The following PRKAR1A variants were observed in gnomAD, a reference collection of about 807,000 sequenced individuals.
PRKAR1A encodes protein kinase cAMP-dependent type I regulatory subunit alpha.
A neutral mutation model predicts 52.0 loss-of-function variants in PRKAR1A; 3 were observed. The ratio of observed to expected loss-of-function variants is 0.06; its 90% confidence interval spans 0.03 to 0.15. The LOEUF (loss-of-function observed/expected upper bound fraction) is 0.15, where lower values mean the gene tolerates loss of function less well. Ranked by LOEUF, PRKAR1A falls within the 10% of genes least tolerant of loss-of-function variation. The pLI is 1.00. For missense variants in PRKAR1A, 240 were observed against 477.4 expected, an observed-to-expected ratio of 0.50 and a Z score of 4.63; for synonymous variants, 188 against 168.4, an observed-to-expected ratio of 1.12 and a Z score of -0.90.
the PRKAR1A span, among the ~76,000 whole-genome samples, chr17:68,476,279 T>C: frequency 6.6e-6 from 1 of 152,362 alleles, no homozygotes; most frequent in South Asian, 2.1e-4. Flanking sequence ...AAACTCTCAC[T>C]ATGGCTAGAA....
the PRKAR1A span, among the ~76,000 whole-genome samples, chr17:68,439,388 AT>A: frequency 6.6e-6 from 1 of 152,196 alleles, no homozygotes; most frequent in East Asian, 1.9e-4. Flanking sequence ...AGGAACCGAT[AT>A]TGTATGAGTC....
At chr17:68,445,516 G>T in the PRKAR1A span, among the ~76,000 whole-genome samples, 1 of 152,186 alleles carries the variant, frequency 6.6e-6, no homozygotes, top group Non-Finnish European at 1.5e-5. Context: ...GGCCCCATTT[G>T]AACACCCCAG....
At chr17:68,443,131 G>A in the PRKAR1A span, among the ~76,000 whole-genome samples, 1 of 151,918 alleles carries the variant, frequency 6.6e-6, no homozygotes, top group East Asian at 1.9e-4. Context: ...TGTTTTTTGA[G>A]ACAGAGTCTC....
chr17:68,488,899 C>T, the PRKAR1A span, among the ~76,000 whole-genome samples: 1 of 151,816 alleles, frequency 6.6e-6, no homozygotes, highest in Non-Finnish European at 1.5e-5. Flanking sequence ...GAGAAATAAG[C>T]TTTCAGAGGG....
intron 6 of PRKAR1A, 44 bp downstream of exon 6, chr17:68,525,002 A>G (rs2085741910): frequency 2.0e-6 from 3 of 1,483,910 alleles, no homozygotes; most frequent in East Asian, 4.5e-5. Context: ...TTAAAAGCCA[A>G]TGTATTGATC....
chr17:68,522,674 G>A (rs2085653304), intron 2 of PRKAR1A, 82 bp from the exon 3 acceptor site: 1 of 1,447,040 alleles, frequency 6.9e-7, no homozygotes, highest in African/African-American at 1.4e-5. Flanking sequence ...GGAAGTGACT[G>A]AGATAGACTA....
At chr17:68,423,538 T>C in the PRKAR1A span, among the ~76,000 whole-genome samples, 1 of 152,218 alleles carries the variant, frequency 6.6e-6, no homozygotes. The surrounding 1 kb of genome is among the most constrained non-coding windows in gnomAD (Gnocchi z 4.4). Flanking sequence ...CCTTGTTCAG[T>C]GACCACTCTC....
rs2086019219 is a variant in PRKAR1A, at chr17:68,533,034, T to C, written c.*2585T>C. The C allele has an allele frequency of 1.9e-6, 2 of 1,065,694 alleles. No homozygotes were observed. The highest frequency in any genetic ancestry group is 1.6e-5 in the African/African-American group (1 of 61,104). 66.0% of individuals were successfully genotyped at this position (1,065,694 alleles called of 1,614,324 possible). A position where few individuals can be genotyped will look rare whatever the true frequency, so the allele number is the denominator to read the frequency against. The stretch of plus-strand genomic sequence containing the variant: ...TCAGTCAAAAGCTAAAGATTTCCTT[T>C]TGATTGAAGACAGATTGGTTCTGTG... On this transcript the variant is annotated 3_prime_UTR_variant, in exon 11 of 11. Transcript: ENST00000589228.
At chr17:68,488,459 G>A in the PRKAR1A span, among the ~76,000 whole-genome samples, 15 of 152,054 alleles carry the variant, frequency 9.9e-5, no homozygotes, top group Non-Finnish European at 1.9e-4. Flanking sequence ...TGGGTGCAGT[G>A]GCTCATGCCT....
the PRKAR1A span, among the ~76,000 whole-genome samples, chr17:68,481,077 G>A: frequency 6.6e-6 from 1 of 152,180 alleles, no homozygotes; most frequent in Non-Finnish European, 1.5e-5. Flanking sequence ...ACCCTCTTGT[G>A]GGTGGTTGTA....
chr17:68,536,900 G>A (rs1446702160), downstream of PRKAR1A: 1 of 454,128 alleles, frequency 2.2e-6, no homozygotes, highest in Non-Finnish European at 4.4e-6. Flanking sequence ...TCTCTAAGAA[G>A]TTACTCCAGG....
In PRKAR1A at chr17:68,532,735, G is replaced by A. The variant is rs2086010889; in HGVS notation, c.*2286G>A. The A allele has an allele frequency of 1.9e-6, 2 of 1,066,000 alleles. No individual in the cohort carries two copies. The highest frequency in any genetic ancestry group is 2.3e-6 in the Non-Finnish European group (2 of 879,472). The allele number at this position is 1,066,000 out of a possible 1,614,324, so 66.0% of individuals were successfully genotyped here. On this transcript the variant is annotated 3_prime_UTR_variant, in exon 11 of 11. Coordinates refer to ENST00000589228, the MANE Select transcript of PRKAR1A (RefSeq NM_002734.5). ...ATAGATTGTCTTAATGGTAGGTCAA[G>A]TAATAAAAAGAGATGAAATAATTTA...
the PRKAR1A span, chr17:68,426,236 G>C: frequency 1.6e-6 from 2 of 1,228,378 alleles, no homozygotes; most frequent in Non-Finnish European, 2.3e-6. Context: ...GCCATGACCT[G>C]GCGGGTGGGG....
intron 2 of PRKAR1A, among the ~76,000 whole-genome samples, chr17:68,516,484 A>G (rs1426802106): frequency 1.3e-5 from 2 of 152,114 alleles, no homozygotes; most frequent in Non-Finnish European, 2.9e-5. Context: ...ACCAAAAGAA[A>G]TGATTCATAT....
the PRKAR1A span, chr17:68,451,014 G>T: frequency 7.3e-7 from 1 of 1,375,022 alleles, no homozygotes; most frequent in Non-Finnish European, 9.7e-7. Flanking sequence ...GGGTCTTGCC[G>T]GCCAGGCGCC....
chr17:68,540,696 T>G, intron 11 of PRKAR1A: 1 of 937,858 alleles, frequency 1.1e-6, no homozygotes, highest in South Asian at 1.4e-5. Flanking sequence ...TTACCTTCTG[T>G]CCTCTGGGAC....
chr17:68,534,092 T>A (rs191885182), downstream of PRKAR1A, among the ~76,000 whole-genome samples: 39 of 152,350 alleles, frequency 2.6e-4, no homozygotes, highest in Admixed American at 7.8e-4. Flanking sequence ...AATCTCTTCC[T>A]TCCTATGCTA....
the PRKAR1A span, chr17:68,425,884 C>A: frequency 3.5e-6 from 2 of 569,830 alleles, no homozygotes; most frequent in Non-Finnish European, 6.2e-6. Context: ...TAGCTCGACA[C>A]CTAAAGCCTA....
the PRKAR1A span, chr17:68,450,938 C>G: frequency 3.8e-6 from 6 of 1,580,082 alleles, no homozygotes; most frequent in Non-Finnish European, 5.1e-6. Context: ...GGATTGATCA[C>G]TTCCAAGAAG....
Sources: allele counts gnomAD v4.1 joint callset (sites outside exome capture counted in the v4.1 genomes callset), GRCh38; gene constraint gnomAD v4.1.1; non-coding constraint Gnocchi (gnomAD v3.1); transcripts MANE v1.5; gene names NCBI Gene and HGNC (gene_info 2026-07-23, HGNC 2026-07-21).